The following CCSER1 variants were observed in gnomAD, a reference collection of about 807,000 sequenced individuals.
CCSER1 encodes serine-rich coiled-coil domain-containing protein 1.
A neutral mutation model predicts 82.0 loss-of-function variants in CCSER1; 41 were observed. The observed-to-expected ratio is 0.50, with a 90% CI of 0.39 to 0.65. The LOEUF (loss-of-function observed/expected upper bound fraction) is 0.65, where lower values mean the gene tolerates loss of function less well. Among genes scored for constraint, CCSER1 ranks in the 30% least tolerant of loss-of-function variants. CCSER1 has a pLI of 0.00. For missense variants in CCSER1, 1,119 were observed against 1,064.2 expected, an observed-to-expected ratio of 1.05 and a Z score of -0.72; for synonymous variants, 414 against 383.9, an observed-to-expected ratio of 1.08 and a Z score of -0.92.
intron 9 of CCSER1, among the ~76,000 whole-genome samples, chr4:90,946,639 A>AGAG (rs1554048418): frequency 0.28 from 42,293 of 148,548 alleles, 6,912 homozygotes; most frequent in Non-Finnish European, 0.37. Context: ...AAAAAAAAAA[A>AGAG]AGAGATTATA....
intron 4 of CCSER1, among the ~76,000 whole-genome samples, chr4:90,432,278 G>C (rs995444073): frequency 2.0e-5 from 3 of 151,978 alleles, no homozygotes; most frequent in African/African-American, 7.2e-5. Flanking sequence ...GCTATTTGTT[G>C]TTCAAAAAAA....
At chr4:91,152,449 C>CTTTATG (rs778763968) in intron 10 of CCSER1, among the ~76,000 whole-genome samples, 137 of 152,142 alleles carry the variant, frequency 9.0e-4, no homozygotes, top group Admixed American at 2.1e-3. Context: ...TTACCTTTAC[C>CTTTATG]TTTATGTTTA....
At chr4:90,160,337 A>C (rs1049960646) in intron 1 of CCSER1, among the ~76,000 whole-genome samples, 1 of 152,196 alleles carries the variant, frequency 6.6e-6, no homozygotes, top group Non-Finnish European at 1.5e-5. Flanking sequence ...AATTGAAATC[A>C]CGTGTTTGGG....
At chr4:91,552,085 T>C (rs1363643134) in intron 10 of CCSER1, among the ~76,000 whole-genome samples, 1 of 151,740 alleles carries the variant, frequency 6.6e-6, no homozygotes, top group Non-Finnish European at 1.5e-5. Flanking sequence ...AAGATAAAAA[T>C]TTGAATATAA....
Position 91,474,756 on chromosome 4 carries a change from CACAT to C in CCSER1, c.2218-123815_2218-123812del, listed in dbSNP as rs770279043. The stretch of plus-strand genomic sequence containing the variant: ...GTATACATACATGCACACACACACA[CACAT>C]GTGTGTGTATATATATATATATTTG... On this transcript the variant is annotated intron_variant, in intron 10 of 10. Transcript: ENST00000509176. Among the ~76,000 whole-genome samples, 712 of 136,772 alleles carry C rather than the reference CACAT, an allele frequency of 5.2e-3. 14 individuals carry two copies. In the East Asian group the frequency reaches 0.062, roughly 12 times the overall value. 89.7% of individuals were successfully genotyped at this position (136,772 alleles called of 152,430 possible).
At chr4:90,235,404 G>A (rs1005792964) in intron 1 of CCSER1, 29 of 152,246 alleles carry the variant, frequency 1.9e-4, no homozygotes, top group African/African-American at 6.5e-4. Flanking sequence ...TGTGCACCTC[G>A]TTTTTCTTTT....
intron 6 of CCSER1, among the ~76,000 whole-genome samples, chr4:90,710,881 T>C (rs1032421759): frequency 6.6e-6 from 1 of 152,072 alleles, no homozygotes; most frequent in Non-Finnish European, 1.5e-5. Flanking sequence ...TCAACATGGT[T>C]TAATGGGAAT....
chr4:90,530,033 T>A (rs1010518478), intron 5 of CCSER1, among the ~76,000 whole-genome samples: 3 of 152,076 alleles, frequency 2.0e-5, no homozygotes, highest in African/African-American at 7.2e-5. Context: ...TGGGGATATA[T>A]TCTATGCATT....
At chr4:90,146,940 T>C (rs1725918078) in intron 1 of CCSER1, among the ~76,000 whole-genome samples, 1 of 152,122 alleles carries the variant, frequency 6.6e-6, no homozygotes, top group Non-Finnish European at 1.5e-5. Flanking sequence ...TAAATATTCA[T>C]TTTTATGATC....
At chr4:91,103,675 T>C (rs1186599467) in intron 10 of CCSER1, among the ~76,000 whole-genome samples, 3 of 152,170 alleles carry the variant, frequency 2.0e-5, no homozygotes, top group Non-Finnish European at 4.4e-5. Flanking sequence ...TCCTGTTATC[T>C]TCGTAAGCTG....
At chr4:90,759,373 G>A (rs1750080153) in intron 7 of CCSER1, among the ~76,000 whole-genome samples, 1 of 152,058 alleles carries the variant, frequency 6.6e-6, no homozygotes, top group African/African-American at 2.4e-5. Flanking sequence ...ATTGGGAATA[G>A]GACAAAATGC....
intron 10 of CCSER1, among the ~76,000 whole-genome samples, chr4:91,207,443 G>A (rs893603039): frequency 1.3e-4 from 19 of 151,422 alleles, no homozygotes; most frequent in Non-Finnish European, 2.1e-4. Flanking sequence ...ATGTGTTTTC[G>A]TTATTTAGCT....
chr4:90,234,500 A>C (rs1421162613), intron 1 of CCSER1, among the ~76,000 whole-genome samples: 1 of 152,148 alleles, frequency 6.6e-6, no homozygotes, highest in Non-Finnish European at 1.5e-5. Flanking sequence ...TACAGGCTTG[A>C]GCGACTGCGC....
chr4:90,751,065 G>A (rs575142938), intron 7 of CCSER1, among the ~76,000 whole-genome samples: 2 of 152,122 alleles, frequency 1.3e-5, no homozygotes, highest in South Asian at 4.1e-4. Context: ...AAGGTTCAGT[G>A]AAGTTTTGCA....
At chr4:91,428,379 A>G (rs913889115) in intron 10 of CCSER1, among the ~76,000 whole-genome samples, 8 of 152,090 alleles carry the variant, frequency 5.3e-5, no homozygotes, top group African/African-American at 1.9e-4. Flanking sequence ...TTCAAAATGC[A>G]GTGGACATGT....
intron 1 of CCSER1, among the ~76,000 whole-genome samples, chr4:90,173,619 G>A (rs1441698083): frequency 6.6e-6 from 1 of 151,936 alleles, no homozygotes; most frequent in African/African-American, 2.4e-5. Context: ...TGATTAAGGT[G>A]AGCAATCCAA....
chr4:90,153,220 A>T (rs547658262), intron 1 of CCSER1, among the ~76,000 whole-genome samples: 1 of 151,866 alleles, frequency 6.6e-6, no homozygotes, highest in East Asian at 1.9e-4. Context: ...TGAACTCATC[A>T]TTTTTTTGTG....
intron 5 of CCSER1, among the ~76,000 whole-genome samples, chr4:90,591,369 A>C (rs1008526683): frequency 1.3e-5 from 2 of 152,086 alleles, no homozygotes; most frequent in African/African-American, 4.8e-5. Context: ...GCTGACTTTC[A>C]AGGAGAATAT....
intron 8 of CCSER1, among the ~76,000 whole-genome samples, chr4:90,828,870 A>G (rs1300856428): frequency 6.6e-6 from 1 of 152,200 alleles, no homozygotes; most frequent in Non-Finnish European, 1.5e-5. Context: ...AGAATAAAGC[A>G]AGACAATGTC....
Sources: allele counts gnomAD v4.1 joint callset (sites outside exome capture counted in the v4.1 genomes callset), GRCh38; gene constraint gnomAD v4.1.1; transcripts MANE v1.5; gene names NCBI Gene and HGNC (gene_info 2026-07-23, HGNC 2026-07-21).